The following PFKFB2 variants were observed in gnomAD, a reference collection of about 807,000 sequenced individuals.
The protein encoded by PFKFB2 is 6-phosphofructo-2-kinase/fructose-2,6-bisphosphatase 2.
Under a neutral mutation model 68.0 loss-of-function variants are expected in PFKFB2, and 53 were observed. The observed-to-expected ratio is 0.78, with a 90% CI of 0.63 to 0.98. The LOEUF (loss-of-function observed/expected upper bound fraction) is 0.98. Among genes scored for constraint, PFKFB2 ranks in the 50% least tolerant of loss-of-function variants. The pLI, the probability that PFKFB2 is intolerant of heterozygous loss-of-function variation, is 0.00. For synonymous variants in PFKFB2, 222 were observed against 227.6 expected (o/e 0.98, Z 0.22); for missense variants, 451 against 642.0 (o/e 0.70, Z 3.22).
intron 8 of PFKFB2, among the ~76,000 whole-genome samples, chr1:207,066,346 C>T (rs1280793165): frequency 6.6e-6 from 1 of 152,206 alleles, no homozygotes; most frequent in East Asian, 1.9e-4. Context: ...TACAGACCTG[C>T]AGCCAAGCAA....
At chr1:207,078,173 G>A (rs1564879), downstream of PFKFB2, among the ~76,000 whole-genome samples, 74,221 of 152,072 alleles carry the variant, frequency 0.49, 18,382 homozygotes, top group East Asian at 0.72. Flanking sequence ...TTTAGCACTT[G>A]GTGGACTGTT....
At position 207,077,455 on chromosome 1, in the gene PFKFB2, G is replaced by C. The variant is rs1035491072; in HGVS notation, c.*5084G>C. The stretch of plus-strand genomic sequence containing the variant: ...GCTTATGTACGTTTTTTATTATATT[G>C]ACCTAACAAGAAGATCAACTTATGC... On this transcript the variant is annotated 3_prime_UTR_variant, in exon 15 of 15. Coordinates refer to ENST00000367080, the MANE Select transcript of PFKFB2 (RefSeq NM_006212.2). 4.1e-6 allele frequency: 4 copies of C among 985,080 alleles called. No homozygotes were observed. In the African/African-American group the frequency reaches 7.0e-5, roughly 17 times the overall value. 61.0% of individuals were successfully genotyped at this position (985,080 alleles called of 1,614,324 possible).
At chr1:207,038,414 C>A in intron 1 of PFKFB2, among the ~76,000 whole-genome samples, 1 of 152,160 alleles carries the variant, frequency 6.6e-6, no homozygotes, top group Non-Finnish European at 1.5e-5. Flanking sequence ...AAATCTGGAT[C>A]CTTGCCTGCT....
intron 2 of PFKFB2, 70 bp from the exon 3 acceptor site, chr1:207,061,883 A>G: frequency 7.0e-7 from 1 of 1,431,174 alleles, no homozygotes; most frequent in Non-Finnish European, 9.8e-7. Flanking sequence ...TCCGTCTCAA[A>G]AAAACAAACA....
chr1:207,079,005 A>G (rs1428935840), downstream of PFKFB2: 2 of 1,611,372 alleles, frequency 1.2e-6, no homozygotes, highest in Non-Finnish European at 8.5e-7. Flanking sequence ...AGCGTCCCTC[A>G]TGTTGCCTTG....
At position 207,074,916 on chromosome 1, in the gene PFKFB2, A is replaced by C; in HGVS notation, c.*2545A>C. ...GTTGGGGGATGGGGATGCCCCCACC[A>C]CCACCAGTGTGAGAATGAGATATGG... On this transcript the variant is annotated 3_prime_UTR_variant, in exon 15 of 15. Coordinates refer to ENST00000367080, the MANE Select transcript of PFKFB2 (RefSeq NM_006212.2). The C allele has an allele frequency of 1.0e-6, 1 of 985,458 alleles. No homozygotes were observed. The highest frequency in any genetic ancestry group is 1.7e-5 in the African/African-American group (1 of 57,364). 61.0% of individuals were successfully genotyped at this position (985,458 alleles called of 1,614,324 possible). A position where few individuals can be genotyped will look rare whatever the true frequency, so the allele number is the denominator to read the frequency against.
Position 207,063,887 on chromosome 1 carries a change from G to GT in PFKFB2, c.507+58_507+59insT, listed in dbSNP as rs2102353060. The GT allele has an allele frequency of 1.8e-6, 2 of 1,128,554 alleles. No homozygotes were observed. Among genetic ancestry groups the GT allele is most frequent in the Admixed American group, 1.8e-5 (1 of 56,990 alleles). 69.9% of individuals were successfully genotyped at this position (1,128,554 alleles called of 1,614,324 possible). On this transcript the variant is annotated intron_variant, in intron 7 of 14. Transcript: ENST00000367080. The surrounding 1 kb of genome is among the most constrained non-coding windows in gnomAD (Gnocchi z 4.1). ...CACCTTTTGTGCTGTGTGTGTTGTG[G>GT]GGTGTGTGTGTGTGTGTGTGTGTGT...
In PFKFB2 at chr1:207,075,567, G is replaced by A. The variant is rs2102287407; in HGVS notation, c.*3196G>A. On this transcript the variant is annotated 3_prime_UTR_variant, in exon 15 of 15. Coordinates refer to ENST00000367080, the MANE Select transcript of PFKFB2 (RefSeq NM_006212.2). ...CTACAAAATAAAAATGGACTTAAAA[G>A]TACTCTCTGCTGAGGCTGTAAGTTT... 16 of 985,310 alleles carry A rather than the reference G, an allele frequency of 1.6e-5. No homozygotes were observed. The highest frequency in any genetic ancestry group is 1.9e-5 in the Non-Finnish European group (16 of 829,848). The allele number at this position is 985,310 out of a possible 1,614,324, so 61.0% of individuals were successfully genotyped here.
upstream of PFKFB2, chr1:207,048,937 T>A (rs1253688350): frequency 7.9e-7 from 1 of 1,261,154 alleles, no homozygotes; most frequent in Non-Finnish European, 1.1e-6. Context: ...CCTTTGTTCT[T>A]TAGGGTTACC....
rs577038375 is a variant in PFKFB2, at chr1:207,035,674, C to CAA, written c.-62+1209_-62+1210dup. ...TCTTAAAAACAAACAAACAAACAAA[C>CAA]AAAAAAAACAAAAAAAGAAAAGAGG... is the stretch of plus-strand genomic sequence containing the variant. On this transcript the variant is annotated intron_variant, in intron 1 of 5. Transcript: ENST00000545806. 3.0e-3 allele frequency among the ~76,000 whole-genome samples: 454 copies of CAA among 149,680 alleles called. 5 individuals are homozygous for CAA. The highest frequency in any genetic ancestry group is 9.4e-3 in the African/African-American group (375 of 39,906).
chr1:207,063,214 G>A lies in PFKFB2; in HGVS notation c.375+5G>A, dbSNP rs1187063142. 14 of 1,612,542 alleles carry A rather than the reference G, an allele frequency of 8.7e-6. No homozygotes were observed. The highest frequency in any genetic ancestry group is 1.1e-5 in the Non-Finnish European group (13 of 1,178,646). ...GAGGAGAATGGTCAGATTGCGGTAA[G>A]CTTTATCTGCTGCTTCTTCTTTCTG... On this transcript the variant is annotated splice_donor_5th_base_variant and intron_variant, in intron 5 of 14. Transcript: ENST00000367080. This position sits in a 1 kb window ranked among gnomAD's most constrained non-coding sequence, Gnocchi z 4.1.
intron 8 of PFKFB2, among the ~76,000 whole-genome samples, chr1:207,065,738 G>C (rs1034881637): frequency 1.3e-5 from 2 of 152,130 alleles, no homozygotes; most frequent in Non-Finnish European, 2.9e-5. Context: ...TTTGAACTGG[G>C]TAATTCTTTG....
intron 3 of PFKFB2, 76 bp from the exon 4 acceptor site, chr1:207,062,544 T>C (rs1683150017): frequency 1.3e-6 from 2 of 1,572,884 alleles, no homozygotes; most frequent in African/African-American, 1.4e-5. Context: ...ACTCCGACAT[T>C]AGGCCAAGAA....
chr1:207,048,553 A>C (rs1029573412), upstream of PFKFB2: 2 of 156,752 alleles, frequency 1.3e-5, no homozygotes, highest in African/African-American at 2.4e-5. Context: ...GACTCACAGG[A>C]GGCCTTCCAC....
downstream of PFKFB2, chr1:207,078,840 G>A (rs1172241514): frequency 3.7e-6 from 3 of 809,938 alleles, no homozygotes; most frequent in Non-Finnish European, 6.4e-6. Flanking sequence ...TATGGATGTG[G>A]GGATGGGGAG....
At chr1:207,066,493 G>T (rs1440168758) in intron 8 of PFKFB2, among the ~76,000 whole-genome samples, 1 of 152,134 alleles carries the variant, frequency 6.6e-6, no homozygotes, top group Non-Finnish European at 1.5e-5. Context: ...TGGCATAAAA[G>T]TATTCTTCAG....
At position 207,072,571 on chromosome 1, in the gene PFKFB2, A is replaced by C; in HGVS notation, c.*200A>C. 1 of 1,339,756 alleles carries C rather than the reference A, an allele frequency of 7.5e-7. No homozygotes were observed. Among genetic ancestry groups the C allele is most frequent in the Non-Finnish European group, 9.5e-7 (1 of 1,047,558 alleles). 83.0% of individuals were successfully genotyped at this position (1,339,756 alleles called of 1,614,324 possible). On this transcript the variant is annotated 3_prime_UTR_variant, in exon 15 of 15. Coordinates refer to ENST00000367080, the MANE Select transcript of PFKFB2 (RefSeq NM_006212.2). ...CTTAAGCTGTTCTTCAGTTTGAAAC[A>C]TCTTTTCACCCAGGGGCAAGTTAGC...
In PFKFB2 at chr1:207,054,701, A is replaced by T. The variant is rs1288725445; in HGVS notation, c.-17A>T. 3 of 1,597,770 alleles carry T rather than the reference A, an allele frequency of 1.9e-6. No homozygotes were observed. The Admixed American group carries it at 5.0e-5, about 27-fold the overall frequency. On this transcript the variant is annotated splice_region_variant and 5_prime_UTR_variant, in exon 2 of 15. Coordinates refer to ENST00000367080, the MANE Select transcript of PFKFB2 (RefSeq NM_006212.2). ...TTTACATTCTACTTCTCTGTTTCAGACATCTGAAGAGCTGCCATGTCTGGG... is the reference window on the plus strand; with the variant it reads ...TTTACATTCTACTTCTCTGTTTCAGTCATCTGAAGAGCTGCCATGTCTGGG...
rs542597597 is a variant in PFKFB2 at position 207,041,217 on chromosome 1, C to T, written c.-61-952C>T. On this transcript the variant is annotated intron_variant, in intron 1 of 5. Coordinates refer to the PFKFB2 transcript ENST00000545806. ...AGCTGGGATTACAGGCATGAGCCAC[C>T]GCGCCTGGCCAGATTTTTTTTTTTT... is the stretch of plus-strand genomic sequence containing the variant. Among the ~76,000 whole-genome samples the T allele has an allele frequency of 5.3e-5, 8 of 151,582 alleles. No homozygotes were observed. In the South Asian group the frequency reaches 1.0e-3, roughly 20 times the overall value.
Sources: gnomAD v4.1 joint callset for allele counts (sites outside exome capture counted in the v4.1 genomes callset) on GRCh38, gnomAD v4.1.1 for gene constraint, Gnocchi (gnomAD v3.1) non-coding constraint, MANE v1.5 for transcripts, NCBI Gene and HGNC (gene_info 2026-07-23, HGNC 2026-07-21) for gene names.